FAT4: variants seen among roughly 807,000 people sequenced by gnomAD.
The protein encoded by FAT4 is FAT atypical cadherin 4.
FAT4 carries 84 observed loss-of-function variants against 303.9 expected under a neutral mutation model. The ratio of observed to expected loss-of-function variants is 0.28; its 90% CI spans 0.23 to 0.33. The LOEUF is 0.33. FAT4 is among the 10% of genes least tolerant of loss of function. FAT4 has a pLI of 1.00. For synonymous variants in FAT4, 2,307 were observed against 2,298.8 expected (o/e 1.00, Z -0.10); for missense variants, 6,005 against 6,146.8 (o/e 0.98, Z 0.77).
intron 12 of FAT4, among the ~76,000 whole-genome samples, chr4:125,472,089 A>AAAAAG: frequency 7.2e-6 from 1 of 138,044 alleles, no homozygotes; most frequent in Non-Finnish European, 1.6e-5. Context: ...AAAAAAAAAA[A>AAAAAG]GGGTAGTTAC....
chr4:125,375,841 G>A (rs183029763), intron 2 of FAT4, among the ~76,000 whole-genome samples: 54 of 152,248 alleles, frequency 3.5e-4, no homozygotes, highest in Middle Eastern at 6.8e-3. Flanking sequence ...CCTGCACTAC[G>A]TTTAAACAAA....
chr4:125,438,849 A>G (rs1363250061), intron 8 of FAT4, among the ~76,000 whole-genome samples: 3 of 152,112 alleles, frequency 2.0e-5, no homozygotes, highest in Admixed American at 6.5e-5. Flanking sequence ...TAAAAGAGCT[A>G]TTGGTTTAAT....
intron 2 of FAT4, among the ~76,000 whole-genome samples, chr4:125,326,394 T>C: frequency 6.6e-6 from 1 of 151,948 alleles, no homozygotes; most frequent in East Asian, 2.0e-4. Flanking sequence ...ATAACTGTTA[T>C]TATTATAAAA....
Position 125,490,534 on chromosome 4 carries a change from T to C in FAT4, c.13718T>C (p.Val4573Ala). The C allele has an allele frequency of 6.2e-7, 1 of 1,614,088 alleles. No individual in the cohort carries two copies. The highest frequency in any genetic ancestry group is 8.5e-7 in the Non-Finnish European group (1 of 1,180,016). ...CCTCCCTATGGGGATGACATGACTG[T>C]GAGGAAGCAGCCTGAAGGGAACCCA... ...NIPPYGDDMT[V>A]RKQPEGNPKP... Residue 4573 changes from valine to alanine, a missense_variant, in exon 18 of 18, where the codon GTG (valine) becomes GCG (alanine). By Grantham distance (64) the Val-to-Ala change is moderately conservative. Transcript: ENST00000394329.
In FAT4 at chr4:125,490,895, A is replaced by G. The variant is rs2126097549; in HGVS notation, c.14079A>G (p.Ala4693=). ...GAACCAGCTCCCTAAGCCACTCAGC[A>G]TGCCCAACTCCCAACCCTCTGTCTC... is the stretch of plus-strand genomic sequence containing the variant. The part of the protein sequence containing the change: ...GLRTSSLSHS[A]CPTPNPLSRH... The change falls in exon 18 of 18, where the codon GCA becomes GCG. Residue 4693 remains alanine (A), a synonymous_variant. Coordinates refer to ENST00000394329, the MANE Select transcript of FAT4 (RefSeq NM_001291303.3). 1 of 1,614,200 alleles carries G rather than the reference A, an allele frequency of 6.2e-7. No homozygotes were observed. The highest frequency in any genetic ancestry group is 8.5e-7 in the Non-Finnish European group (1 of 1,180,042).
intron 2 of FAT4, chr4:125,393,785 A>C (rs760490772): frequency 1.1e-5 from 5 of 468,744 alleles, no homozygotes; most frequent in African/African-American, 2.0e-5. Flanking sequence ...AAATTACCAA[A>C]AGACAGATCA....
intron 2 of FAT4, among the ~76,000 whole-genome samples, chr4:125,383,382 A>T (rs1216097095): frequency 6.6e-6 from 1 of 152,140 alleles, no homozygotes; most frequent in Admixed American, 6.6e-5. Flanking sequence ...GGAGAAGGTG[A>T]GAAATGGAAG....
rs1281426431 is a variant in FAT4, at chr4:125,491,972, TCC to T, written c.*206_*207del. Reference sequence around the variant, plus strand: ...TTAAACATGTGTGGTTGAATTTATTTCCCTGCATGCATTGTGTTTTGTAACTA... The same window carrying T: ...TTAAACATGTGTGGTTGAATTTATTTCTGCATGCATTGTGTTTTGTAACTA... On this transcript the variant is annotated 3_prime_UTR_variant, in exon 18 of 18. Coordinates refer to ENST00000394329, the MANE Select transcript of FAT4 (RefSeq NM_001291303.3). 1 of 560,696 alleles carries T rather than the reference TCC, an allele frequency of 1.8e-6. No individual in the cohort carries two copies. Among genetic ancestry groups the T allele is most frequent in the Admixed American group, 3.7e-5 (1 of 27,314 alleles). 34.7% of individuals were successfully genotyped at this position (560,696 alleles called of 1,614,324 possible).
At chr4:125,379,281 A>T (rs768729234) in intron 2 of FAT4, among the ~76,000 whole-genome samples, 127 of 151,820 alleles carry the variant, frequency 8.4e-4, no homozygotes, top group Non-Finnish European at 1.6e-3. Context: ...AGTACACTGA[A>T]CTGAGAAGAT....
chr4:125,341,607 T>C (rs1359520555), intron 2 of FAT4, among the ~76,000 whole-genome samples: 3 of 152,118 alleles, frequency 2.0e-5, no homozygotes, highest in Non-Finnish European at 4.4e-5. Flanking sequence ...CAATGTCTTT[T>C]AATTCATGTG....
At position 125,491,652 on chromosome 4, in the gene FAT4, G is replaced by T. The variant is rs1025769012; in HGVS notation, c.14836G>T (p.Val4946Leu). The T allele has an allele frequency of 1.2e-6, 2 of 1,614,052 alleles. No homozygotes were observed. The highest frequency in any genetic ancestry group is 2.7e-5 in the African/African-American group (2 of 74,932). ...LNWGPGFGHY[V>L]DVFKDLASLP... ...CTGGGGCCCTGGCTTTGGCCATTAT[G>T]TAGATGTTTTTAAAGATTTGGCATC... Residue 4946 changes from valine (V) to leucine (L), a missense_variant, in exon 18 of 18, where the codon GTA (valine) becomes TTA (leucine). Coordinates refer to ENST00000394329, the MANE Select transcript of FAT4 (RefSeq NM_001291303.3).
At chr4:125,342,668 A>G (rs1368638816) in intron 2 of FAT4, among the ~76,000 whole-genome samples, 2 of 151,830 alleles carry the variant, frequency 1.3e-5, no homozygotes, top group African/African-American at 4.8e-5. Flanking sequence ...AAACTTAACT[A>G]TTGACTTAAA....
chr4:125,471,674 C>G (rs1166358620), intron 12 of FAT4, among the ~76,000 whole-genome samples: 1 of 151,780 alleles, frequency 6.6e-6, no homozygotes, highest in Non-Finnish European at 1.5e-5. Context: ...CCATCTCTAA[C>G]AGCTATCAAG....
chr4:125,444,189 G>T (rs1444905336), intron 8 of FAT4, among the ~76,000 whole-genome samples: 1 of 152,104 alleles, frequency 6.6e-6, no homozygotes, highest in African/African-American at 2.4e-5. Flanking sequence ...CTACAGACTG[G>T]GTAATTTATA....
chr4:125,466,339 A>G (rs1726660741), intron 11 of FAT4, among the ~76,000 whole-genome samples: 1 of 152,024 alleles, frequency 6.6e-6, no homozygotes, highest in Non-Finnish European at 1.5e-5. Flanking sequence ...GTATCTATAT[A>G]CTTTCTCCAT....
At chr4:125,410,462 G>T (rs1162832716) in intron 5 of FAT4, among the ~76,000 whole-genome samples, 1 of 151,998 alleles carries the variant, frequency 6.6e-6, no homozygotes, top group Admixed American at 6.6e-5. Flanking sequence ...TTTGGAGATT[G>T]GTTTATCTGC....
At chr4:125,416,418 A>G in intron 6 of FAT4, 30 bp from the exon 7 acceptor site, 2 of 1,555,314 alleles carry the variant, frequency 1.3e-6, no homozygotes, top group Non-Finnish European at 1.7e-6. Context: ...TGTTTGTTTT[A>G]CTCACATCTT....
intron 2 of FAT4, among the ~76,000 whole-genome samples, chr4:125,349,193 C>A (rs1293223684): frequency 3.3e-5 from 5 of 151,840 alleles, no homozygotes; most frequent in Middle Eastern, 3.4e-3. Flanking sequence ...ATTACTGAAA[C>A]TGCATTTGTT....
chr4:125,438,210 T>C (rs17803313), intron 8 of FAT4, among the ~76,000 whole-genome samples: 62,111 of 152,046 alleles, frequency 0.41, 13,071 homozygotes, highest in Non-Finnish European at 0.46. Context: ...AAGTTGAATG[T>C]TTACAAACTT....
Sources: allele counts gnomAD v4.1 joint callset (sites outside exome capture counted in the v4.1 genomes callset), GRCh38; gene constraint gnomAD v4.1.1; transcripts MANE v1.5; gene names NCBI Gene and HGNC (gene_info 2026-07-23, HGNC 2026-07-21).